GPR149: variants seen among roughly 807,000 people sequenced by gnomAD.
The protein encoded by GPR149 is G protein-coupled receptor 149, also known as probable G protein-coupled receptor 149.
Under a neutral mutation model 50.2 loss-of-function variants are expected in GPR149, and 50 were observed. The ratio of observed to expected loss-of-function variants is 1.00; its 90% CI spans 0.79 to 1.26. The LOEUF (loss-of-function observed/expected upper bound fraction) is 1.26. Among genes scored for constraint, GPR149 ranks in the 50% most tolerant of loss-of-function variants. The probability of loss-of-function intolerance (pLI) is 0.00; values close to 1 mark genes in which losing one functional copy is unlikely to be tolerated. For missense variants in GPR149, 983 were observed against 895.4 expected, an observed-to-expected ratio of 1.10 and a Z score of -1.25; for synonymous variants, 405 against 358.2, an observed-to-expected ratio of 1.13 and a Z score of -1.48.
At chr3:154,386,926 A>G (rs962072803) in intron 3 of GPR149, among the ~76,000 whole-genome samples, 5 of 152,016 alleles carry the variant, frequency 3.3e-5, no homozygotes, top group African/African-American at 1.2e-4. Context: ...ACTGGGATAA[A>G]TTCAGCTTTT....
At chr3:154,353,980 A>T (rs1714152891) in intron 3 of GPR149, 3 of 478,342 alleles carry the variant, frequency 6.3e-6, no homozygotes, top group East Asian at 4.9e-5. Context: ...TTGATTTATG[A>T]GTAGAACTAT....
At chr3:154,377,597 C>T (rs960354784) in intron 3 of GPR149, among the ~76,000 whole-genome samples, 1 of 152,020 alleles carries the variant, frequency 6.6e-6, no homozygotes, top group Non-Finnish European at 1.5e-5. Context: ...AACTCCTGAC[C>T]TCACGTGATC....
At chr3:154,370,128 G>A (rs1446299050) in intron 3 of GPR149, among the ~76,000 whole-genome samples, 1 of 152,148 alleles carries the variant, frequency 6.6e-6, no homozygotes, top group African/African-American at 2.4e-5. Context: ...TTCTAGAAAG[G>A]CTAAGGGAGG....
intron 3 of GPR149, among the ~76,000 whole-genome samples, chr3:154,369,375 T>C (rs747946844): frequency 1.3e-5 from 2 of 152,174 alleles, no homozygotes; most frequent in African/African-American, 2.4e-5. Flanking sequence ...GAAAGGTAAA[T>C]TTAGTAAAGT....
chr3:154,390,473 A>T (rs1223768088), intron 3 of GPR149, among the ~76,000 whole-genome samples: 1 of 152,028 alleles, frequency 6.6e-6, no homozygotes, highest in Non-Finnish European at 1.5e-5. Context: ...GATCAAACAG[A>T]AGACAGGATT....
chr3:154,426,697 T>A (rs1712311663), intron 2 of GPR149, among the ~76,000 whole-genome samples: 1 of 152,184 alleles, frequency 6.6e-6, no homozygotes, highest in Non-Finnish European at 1.5e-5. Flanking sequence ...TGTAGGGAGT[T>A]CTGGAAGGGA....
At chr3:154,347,587 A>G (rs1713963945) in intron 3 of GPR149, among the ~76,000 whole-genome samples, 1 of 152,260 alleles carries the variant, frequency 6.6e-6, no homozygotes, top group Non-Finnish European at 1.5e-5. Context: ...GAAATCTACT[A>G]CATGCGAAAT....
intron 3 of GPR149, among the ~76,000 whole-genome samples, chr3:154,349,790 A>G (rs1714023805): frequency 6.6e-6 from 1 of 152,240 alleles, no homozygotes; most frequent in Non-Finnish European, 1.5e-5. Flanking sequence ...ACAAAAAAAT[A>G]AAACTATAGA....
In GPR149 at chr3:154,348,359, A is replaced by AAACTATATT. The variant is rs1259023156; in HGVS notation, c.1624-10089_1624-10088insAATATAGTT. 1.7e-3 allele frequency among the ~76,000 whole-genome samples: 253 copies of AAACTATATT among 152,334 alleles called. 3 individuals carry two copies. The highest frequency in any genetic ancestry group is 5.1e-3 in the African/African-American group (212 of 41,580). On this transcript the variant is annotated intron_variant, in intron 3 of 3. Coordinates refer to ENST00000389740, the MANE Select transcript of GPR149 (RefSeq NM_001038705.3). ...ACAACTCAGTTATATATTGTCTATA[A>AAACTATATT]GAAACTCATTTCAAATATAATAATA...
At chr3:154,363,246 T>G (rs1312805451) in intron 3 of GPR149, among the ~76,000 whole-genome samples, 1 of 152,144 alleles carries the variant, frequency 6.6e-6, no homozygotes, top group African/African-American at 2.4e-5. Flanking sequence ...TTTTTGCAAA[T>G]TTATTCCGGG....
intron 3 of GPR149, among the ~76,000 whole-genome samples, chr3:154,383,794 G>A (rs1018669793): frequency 1.3e-5 from 2 of 151,972 alleles, no homozygotes; most frequent in African/African-American, 2.4e-5. Flanking sequence ...GAGATGATTA[G>A]GTCATGAGGG....
intron 3 of GPR149, among the ~76,000 whole-genome samples, chr3:154,413,819 A>G (rs544066372): frequency 6.6e-6 from 1 of 151,872 alleles, no homozygotes; most frequent in African/African-American, 2.4e-5. Context: ...ACCCAGAGGA[A>G]AAGGAGTCAT....
chr3:154,367,341 C>CA (rs796275035), intron 3 of GPR149, among the ~76,000 whole-genome samples: 27 of 41,828 alleles, frequency 6.5e-4, no homozygotes, highest in Admixed American at 3.7e-3. Flanking sequence ...TCCCTTCCCC[C>CA]CCCCGAAACT....
At chr3:154,397,223 A>T (rs2108415974) in intron 3 of GPR149, among the ~76,000 whole-genome samples, 1 of 152,286 alleles carries the variant, frequency 6.6e-6, no homozygotes, top group African/African-American at 2.4e-5. Context: ...TCATAAATGA[A>T]AAAACAGAGC....
intron 3 of GPR149, among the ~76,000 whole-genome samples, chr3:154,404,833 G>GC (rs1711638580): frequency 6.6e-6 from 1 of 150,634 alleles, no homozygotes. Flanking sequence ...GTGAAACATA[G>GC]CAAGTATTCA....
intron 2 of GPR149, among the ~76,000 whole-genome samples, chr3:154,423,442 A>G (rs1181866210): frequency 6.6e-6 from 1 of 151,878 alleles, no homozygotes; most frequent in African/African-American, 2.4e-5. Flanking sequence ...AATTATGTTA[A>G]TGGAAGCAGA....
In GPR149 at chr3:154,337,796, C is replaced by T. The variant is rs774547552; in HGVS notation, c.2099G>A (p.Ser700Asn). Residue 700 changes from serine (S) to asparagine (N), a missense_variant, in exon 4 of 4, where the codon AGT (serine) becomes AAT (asparagine). Ser to Asn is a conservative substitution (Grantham distance 46, BLOSUM62 1). Transcript: ENST00000389740. The part of the protein sequence containing the change: ...PDTVEAHRQN[S>N]KRQHQERDGY... ...ATCCCTCTCTTGATGCTGCCTTTTA[C>T]TGTTCTGCCTGTGTGCTTCTACTGT... 7.4e-6 allele frequency: 12 copies of T among 1,614,014 alleles called. No homozygotes were observed. Among genetic ancestry groups the T allele is most frequent in the Non-Finnish European group, 1.0e-5 (12 of 1,179,938 alleles).
intron 3 of GPR149, among the ~76,000 whole-genome samples, chr3:154,416,069 C>A (rs1446252557): frequency 6.6e-6 from 1 of 151,714 alleles, no homozygotes; most frequent in East Asian, 1.9e-4. Context: ...CAGAAAACAG[C>A]AATACACTGT....
At chr3:154,402,247 T>G (rs1365371214) in intron 3 of GPR149, among the ~76,000 whole-genome samples, 1 of 151,828 alleles carries the variant, frequency 6.6e-6, no homozygotes, top group Non-Finnish European at 1.5e-5. Flanking sequence ...GTGCAAATAT[T>G]TTCAGTTTTT....
Sources: allele counts gnomAD v4.1 joint callset (sites outside exome capture counted in the v4.1 genomes callset), GRCh38; gene constraint gnomAD v4.1.1; transcripts MANE v1.5; gene names NCBI Gene and HGNC (gene_info 2026-07-23, HGNC 2026-07-21).